ANKRD36C: variants seen among roughly 807,000 people sequenced by gnomAD.
ANKRD36C encodes ankyrin repeat domain 36C.
A neutral mutation model predicts 276.4 loss-of-function variants in ANKRD36C; 61 were observed. The ratio of observed to expected loss-of-function variants is 0.22; its 90% CI spans 0.18 to 0.27. The LOEUF (loss-of-function observed/expected upper bound fraction) is 0.27. ANKRD36C is among the 10% of genes least tolerant of loss of function. The probability of loss-of-function intolerance (pLI) is 1.00; values close to 1 mark genes in which losing one functional copy is unlikely to be tolerated. For synonymous variants in ANKRD36C, 483 were observed against 680.1 expected, an observed-to-expected ratio of 0.71 and a Z score of 4.51; for missense variants, 1,447 against 2,032.3, an observed-to-expected ratio of 0.71 and a Z score of 5.54.
Position 95,986,992 on chromosome 2 carries a change from T to C in ANKRD36C, c.313-68A>G, listed in dbSNP as rs185651648. ...AAAATAAACACTCCGTAGGATTTCC[T>C]ACTAGTTATATGGTGGTATTCCAAT... On this transcript the variant is annotated intron_variant, in intron 2 of 66. Transcript: ENST00000456556. 1.7e-4 allele frequency: 266 copies of C among 1,606,322 alleles called. 1 individual carries two copies. The highest frequency in any genetic ancestry group is 1.7e-4 in the Middle Eastern group (1 of 5,876).
rs1263822017 is a variant in ANKRD36C at position 95,914,164 on chromosome 2, T to A, written c.2495A>T (p.Glu832Val). The change falls in exon 40 of 67, where the codon GAA becomes GTA. Residue 832 changes from glutamate to valine, a missense_variant. By Grantham distance (121) the Glu-to-Val change is moderately radical. Coordinates refer to ENST00000456556, the Ensembl canonical transcript of ANKRD36C. The stretch of plus-strand genomic sequence containing the variant: ...TCTGGCTATATTCAAAACAGAATCT[T>A]CCTCGTCACTTGTAGCCTGAATGGA... 3 of 1,584,646 alleles carry A rather than the reference T, an allele frequency of 1.9e-6. No individual in the cohort carries two copies. In the South Asian group the frequency reaches 3.4e-5, roughly 18 times the overall value.
intron 8 of ANKRD36C, among the ~76,000 whole-genome samples, chr2:95,961,667 A>G (rs1467874050): frequency 6.6e-6 from 1 of 152,060 alleles, no homozygotes; most frequent in African/African-American, 2.4e-5. Flanking sequence ...AACAAAACAT[A>G]TATCTCTGAT....
At chr2:95,988,619 A>G (rs13005321) in intron 1 of ANKRD36C, among the ~76,000 whole-genome samples, 17 of 152,206 alleles carry the variant, frequency 1.1e-4, no homozygotes, top group Non-Finnish European at 1.5e-5. Context: ...GAAGTTTATT[A>G]TGAAAAAAAC....
chr2:95,884,195 C>T, exon 54 of ANKRD36C: 1 of 1,608,934 alleles, frequency 6.2e-7, no homozygotes, highest in Middle Eastern at 2.2e-4. Flanking sequence ...TTTCTCCATC[C>T]TTTATTTCTC....
At chr2:95,883,754 G>A (rs1026448648) in intron 54 of ANKRD36C, among the ~76,000 whole-genome samples, 18 of 151,944 alleles carry the variant, frequency 1.2e-4, no homozygotes, top group Admixed American at 2.0e-4. Flanking sequence ...CAGCGGTCTC[G>A]TTAGTTCTTG....
intron 59 of ANKRD36C, among the ~76,000 whole-genome samples, chr2:95,875,289 A>C (rs1435577442): frequency 2.6e-5 from 4 of 152,154 alleles, no homozygotes; most frequent in Non-Finnish European, 5.9e-5. Context: ...CCAAATGTCC[A>C]ACAATGATAA....
intron 44 of ANKRD36C, among the ~76,000 whole-genome samples, chr2:95,894,535 GACTTAATTAGAATGCA>G (rs1216293691): frequency 2.3e-4 from 35 of 151,284 alleles, no homozygotes; most frequent in African/African-American, 8.2e-4. Flanking sequence ...ATCACTCTAG[GACTTAATTAGAATGCA>G]ACATAATTTT....
chr2:95,884,073 G>T, intron 54 of ANKRD36C, 100 bp downstream of exon 74: 2 of 1,342,054 alleles, frequency 1.5e-6, no homozygotes, highest in Non-Finnish European at 2.1e-6. Context: ...TGCAGAATCA[G>T]AATGTGCAGC....
At chr2:95,874,210 C>T (rs1182738561) in intron 59 of ANKRD36C, among the ~76,000 whole-genome samples, 3 of 152,042 alleles carry the variant, frequency 2.0e-5, no homozygotes, top group Admixed American at 2.0e-4. Context: ...AAAAAGAGCC[C>T]GCATCACCAA....
At chr2:95,893,586 T>C (rs764870416) in intron 44 of ANKRD36C, 3 of 1,572,720 alleles carry the variant, frequency 1.9e-6, no homozygotes, top group Non-Finnish European at 2.6e-6. Context: ...CAAAACAGAA[T>C]CTTCCTCGTC....
chr2:95,868,096 CAT>C (rs1429028993), intron 59 of ANKRD36C, among the ~76,000 whole-genome samples: 3 of 150,764 alleles, frequency 2.0e-5, no homozygotes, highest in Non-Finnish European at 4.4e-5. Flanking sequence ...TAAATCTTTG[CAT>C]ATATCACTTA....
chr2:95,910,495 G>A, intron 42 of ANKRD36C, 45 bp downstream of exon 45: 1 of 1,602,348 alleles, frequency 6.2e-7, no homozygotes, highest in Non-Finnish European at 8.5e-7. Context: ...ATGTTTCATA[G>A]ACCATACATT....
rs541116421 is a variant in ANKRD36C, at chr2:95,885,024, T to C, written c.3164-656A>G. Reference sequence around the variant, plus strand: ...TTTCCAAAATTTCTTCATCCATTCATGGCACCAAAGGATAATATATTAGCC... The same window carrying C: ...TTTCCAAAATTTCTTCATCCATTCACGGCACCAAAGGATAATATATTAGCC... On this transcript the variant is annotated intron_variant, in intron 52 of 66. Transcript: ENST00000456556. 5.9e-5 allele frequency among the ~76,000 whole-genome samples: 9 copies of C among 152,170 alleles called. 1 individual carries two copies. Among genetic ancestry groups the C allele is most frequent in the Admixed American group, 5.2e-4 (8 of 15,260 alleles).
chr2:95,978,156 C>A (rs1442443219), exon 6 of ANKRD36C: 1 of 1,284,462 alleles, frequency 7.8e-7, no homozygotes. Flanking sequence ...CTTCATGTTT[C>A]TTTCTTTCAT....
chr2:95,921,389 G>A (rs773065661), intron 34 of ANKRD36C, among the ~76,000 whole-genome samples: 8 of 151,514 alleles, frequency 5.3e-5, no homozygotes, highest in Middle Eastern at 3.4e-3. Flanking sequence ...CAATTTCAAC[G>A]TGGGGAAGTG....
At position 95,916,180 on chromosome 2, in the gene ANKRD36C, C is replaced by G. The variant is rs1677090369; in HGVS notation, c.2348-9G>C. On this transcript the variant is annotated splice_polypyrimidine_tract_variant and intron_variant, in intron 36 of 66. Transcript: ENST00000456556. ...TTTTTTCCGAGAAGACACTGAAAAG[C>G]AAAAGGGACACGTAATCACTCACTC... is the stretch of plus-strand genomic sequence containing the variant. The G allele has an allele frequency of 4.4e-6, 7 of 1,604,124 alleles. No homozygotes were observed. Among genetic ancestry groups the G allele is most frequent in the Non-Finnish European group, 5.9e-6 (7 of 1,177,782 alleles).
chr2:95,946,133 CAG>C (rs367622551), intron 17 of ANKRD36C, among the ~76,000 whole-genome samples: 1 of 96,920 alleles, frequency 1.0e-5, no homozygotes, highest in Non-Finnish European at 1.9e-5. Flanking sequence ...TTACTACAAA[CAG>C]AGAGAGAGAG....
intron 6 of ANKRD36C, among the ~76,000 whole-genome samples, chr2:95,964,771 CTAT>C (rs1463256266): frequency 1.3e-5 from 2 of 151,990 alleles, no homozygotes; most frequent in African/African-American, 4.8e-5. Flanking sequence ...CCTATCTTAC[CTAT>C]TTTCCTCTCC....
At position 95,881,418 on chromosome 2, in the gene ANKRD36C, T is replaced by A. The variant is rs371369238; in HGVS notation, c.3368-795A>T. Among the ~76,000 whole-genome samples the A allele has an allele frequency of 5.1e-4, 77 of 152,306 alleles. No homozygotes were observed. The East Asian group carries it at 0.012, about 23-fold the overall frequency. On this transcript the variant is annotated intron_variant, in intron 56 of 66. Transcript: ENST00000456556. ...TCAGTCCAATATTCATTGAAAATAA[T>A]CACTTTAGGATTCAATTAATGAATT...
Sources: gnomAD v4.1 joint callset for allele counts (sites outside exome capture counted in the v4.1 genomes callset) on GRCh38, gnomAD v4.1.1 for gene constraint, MANE v1.5 for transcripts, NCBI Gene and HGNC (gene_info 2026-07-23, HGNC 2026-07-21) for gene names.